Variants in KIF5A observed in about 807,000 individuals in gnomAD.
KIF5A encodes the protein kinesin family member 5A, also known as kinesin heavy chain isoform 5A.
A neutral mutation model predicts 141.3 loss-of-function variants in KIF5A; 35 were observed. That is an observed-to-expected ratio of 0.25 (90% CI 0.19 to 0.33). The LOEUF (loss-of-function observed/expected upper bound fraction) is 0.33, where lower values mean the gene tolerates loss of function less well. KIF5A is among the 10% of genes least tolerant of loss of function. The pLI is 1.00. For synonymous variants in KIF5A, 448 were observed against 500.2 expected (o/e 0.90, Z 1.39); for missense variants, 861 against 1,314.3 (o/e 0.66, Z 5.33).
Position 57,569,082 on chromosome 12 carries a change from G to C in KIF5A, c.819+15G>C. On this transcript the variant is annotated intron_variant, in intron 9 of 28. Transcript: ENST00000455537. ...CTGAGGGCACTGTGAGTGATCCTTA[G>C]GTCCCCTCACCCCTCAAGCCACACC... The C allele has an allele frequency of 6.2e-7, 1 of 1,603,030 alleles. No individual in the cohort carries two copies. The highest frequency in any genetic ancestry group is 8.5e-7 in the Non-Finnish European group (1 of 1,170,298).
chr12:57,581,619 C>T, intron 25 of KIF5A, 51 bp downstream of exon 25: 2 of 1,599,486 alleles, frequency 1.3e-6, no homozygotes, highest in African/African-American at 2.7e-5. Context: ...TCCCTGGACC[C>T]TAGAAGGCAT....
chr12:57,569,456 G>T, intron 10 of KIF5A, 52 bp downstream of exon 10: 4 of 1,613,418 alleles, frequency 2.5e-6, no homozygotes, highest in Non-Finnish European at 3.4e-6. Context: ...TCCCATCCCA[G>T]CCTCTGCGGC....
intron 27 of KIF5A, chr12:57,582,852 C>T: frequency 1.6e-6 from 1 of 635,754 alleles, no homozygotes; most frequent in South Asian, 1.9e-5. Flanking sequence ...CTCCCTATTC[C>T]AGTGATAAGG....
At chr12:57,581,289 C>T in intron 24 of KIF5A, 117 bp downstream of exon 24, 1 of 1,514,056 alleles carries the variant, frequency 6.6e-7, no homozygotes, top group Non-Finnish European at 9.1e-7. Context: ...ATCCCACTTC[C>T]CCCCAAAAAG....
At chr12:57,564,386 A>G (rs756466748) in intron 4 of KIF5A, 74 bp from the exon 5 acceptor site, 50 of 1,201,434 alleles carry the variant, frequency 4.2e-5, no homozygotes, top group Middle Eastern at 2.3e-4. Flanking sequence ...AGCAGGTCAC[A>G]TTAGTATGGG....
chr12:57,564,887 G>A, intron 5 of KIF5A, 31 bp from the exon 6 acceptor site: 1 of 1,611,898 alleles, frequency 6.2e-7, no homozygotes, highest in Admixed American at 1.7e-5. Flanking sequence ...GGAAGTACTA[G>A]TCTTGCTTAC....
At chr12:57,564,800 TCA>T in intron 5 of KIF5A, 116 bp from the exon 6 acceptor site, 1 of 1,001,942 alleles carries the variant, frequency 1.0e-6, no homozygotes, top group African/African-American at 1.6e-5. Context: ...AGTTTAGGCT[TCA>T]CAGGGAGAGT....
chr12:57,553,871 G>C (rs1881652686), intron 1 of KIF5A, among the ~76,000 whole-genome samples: 1 of 152,162 alleles, frequency 6.6e-6, no homozygotes, highest in Non-Finnish European at 1.5e-5. Context: ...AGACTGCTGG[G>C]GGTGGGAGAG....
intron 1 of KIF5A, among the ~76,000 whole-genome samples, chr12:57,560,376 A>G (rs537976150): frequency 3.9e-4 from 59 of 152,304 alleles, no homozygotes; most frequent in African/African-American, 1.4e-3. Context: ...CATGATATCA[A>G]TTCTTAGAAG....
intron 8 of KIF5A, among the ~76,000 whole-genome samples, chr12:57,568,449 G>A (rs1276928968): frequency 6.6e-6 from 1 of 152,026 alleles, no homozygotes; most frequent in Non-Finnish European, 1.5e-5. Flanking sequence ...CATATGGCTG[G>A]GCACGGTGGC....
At chr12:57,565,074 C>A in intron 6 of KIF5A, 101 bp downstream of exon 6, 1 of 1,065,564 alleles carries the variant, frequency 9.4e-7, no homozygotes, top group Non-Finnish European at 1.5e-6. Context: ...GGTGGATATC[C>A]TGGAGGAATG....
chr12:57,570,292 A>G (rs1238163315), intron 12 of KIF5A, 130 bp downstream of exon 12: 4 of 772,908 alleles, frequency 5.2e-6, no homozygotes, highest in Non-Finnish European at 8.3e-6. Flanking sequence ...ATGTGGAAAC[A>G]TCAATATAAA....
Position 57,558,531 on chromosome 12 carries a change from G to T in KIF5A, c.130-4908G>T, listed in dbSNP as rs368960395. On this transcript the variant is annotated intron_variant, in intron 1 of 28. Coordinates refer to ENST00000455537, the MANE Select transcript of KIF5A (RefSeq NM_004984.4). ...TCTACTAAAAATACAGAAATTAGCC[G>T]GGTGTGGTGGCGGGCGCCTATAATC... 2.3e-3 allele frequency among the ~76,000 whole-genome samples: 344 copies of T among 152,302 alleles called. 3 individuals are homozygous for T. The highest frequency in any genetic ancestry group is 8.1e-3 in the African/African-American group (335 of 41,582).
chr12:57,563,616 C>A lies in KIF5A; in HGVS notation c.218-4C>A, dbSNP rs749395504. On this transcript the variant is annotated splice_polypyrimidine_tract_variant and splice_region_variant and intron_variant, in intron 2 of 28. Coordinates refer to ENST00000455537, the MANE Select transcript of KIF5A (RefSeq NM_004984.4). ...CAGTACTCTTTCTCTACTGTCTCTT[C>A]CAGATGTCCTTGCTGGCTACAATGG... 8.1e-6 allele frequency: 13 copies of A among 1,614,068 alleles called. No individual in the cohort carries two copies. The highest frequency in any genetic ancestry group is 1.1e-5 in the Non-Finnish European group (13 of 1,179,894).
intron 1 of KIF5A, among the ~76,000 whole-genome samples, chr12:57,553,896 C>A (rs758484834): frequency 2.0e-5 from 3 of 151,870 alleles, no homozygotes; most frequent in African/African-American, 7.3e-5. Flanking sequence ...TGGATTTCGG[C>A]GACATTTCTA....
chr12:57,569,787 A>G, intron 11 of KIF5A, 104 bp downstream of exon 11: 1 of 1,531,114 alleles, frequency 6.5e-7, no homozygotes, highest in Non-Finnish European at 8.8e-7. Flanking sequence ...AATCTCCTAG[A>G]AGAGGGGCTG....
chr12:57,550,178 C>G lies in KIF5A; in HGVS notation c.-94C>G. 6.4e-7 allele frequency: 1 copy of G among 1,554,886 alleles called. No homozygotes were observed. Among genetic ancestry groups the G allele is most frequent in the Non-Finnish European group, 8.8e-7 (1 of 1,133,998 alleles). On this transcript the variant is annotated 5_prime_UTR_variant, in exon 1 of 29. Transcript: ENST00000455537. This position sits in a 1 kb window ranked among gnomAD's most constrained non-coding sequence, Gnocchi z 4.6. ...CTGTCCCCAGAGACTGAGCACCTGT[C>G]CTCCGCCTCGGCCTCTGCTGAGAGC...
Position 57,557,450 on chromosome 12 carries a change from CA to C in KIF5A, c.130-5986del, listed in dbSNP as rs539233435. On this transcript the variant is annotated intron_variant, in intron 1 of 28. Transcript: ENST00000455537. Reference sequence around the variant, plus strand: ...AACACTAATACATTTTAATTGTTAACAAAGTTCAAGACAAAGGAAAGGACAC... The same window carrying C: ...AACACTAATACATTTTAATTGTTAACAAGTTCAAGACAAAGGAAAGGACAC... Among the ~76,000 whole-genome samples the C allele has an allele frequency of 5.1e-4, 77 of 151,902 alleles. No individual in the cohort carries two copies. The East Asian group carries it at 0.012, about 24-fold the overall frequency.
chr12:57,566,029 T>G (rs1882054227), intron 6 of KIF5A, among the ~76,000 whole-genome samples: 2 of 151,910 alleles, frequency 1.3e-5, no homozygotes, highest in Admixed American at 1.3e-4. Context: ...AGCTCAAGAG[T>G]TTGAGGTTGC....
Sources: gnomAD v4.1 joint callset for allele counts (sites outside exome capture counted in the v4.1 genomes callset) on GRCh38, gnomAD v4.1.1 for gene constraint, Gnocchi (gnomAD v3.1) non-coding constraint, MANE v1.5 for transcripts, NCBI Gene and HGNC (gene_info 2026-07-23, HGNC 2026-07-21) for gene names.